TOM1: variants seen among roughly 807,000 people sequenced by gnomAD.
TOM1 encodes target of myb1 membrane trafficking protein, also known as target of Myb protein 1.
Under a neutral mutation model 61.3 loss-of-function variants are expected in TOM1, and 38 were observed. The ratio of observed to expected loss-of-function variants is 0.62; its 90% confidence interval spans 0.48 to 0.81. TOM1 has a LOEUF of 0.81. Among genes scored for constraint, TOM1 ranks in the 40% least tolerant of loss-of-function variants. The probability of loss-of-function intolerance (pLI) is 0.00; values close to 1 mark genes in which losing one functional copy is unlikely to be tolerated. For synonymous variants in TOM1, 270 were observed against 268.8 expected, an observed-to-expected ratio of 1.00 and a Z score of -0.04; for missense variants, 591 against 659.6, an observed-to-expected ratio of 0.90 and a Z score of 1.14.
In TOM1 at chr22:35,346,977, T is replaced by TGCCCCC; in HGVS notation, c.1324+8_1324+9insGCCCCC. The TGCCCCC allele has an allele frequency of 6.2e-7, 1 of 1,611,546 alleles. No individual in the cohort carries two copies. The highest frequency in any genetic ancestry group is 8.5e-7 in the Non-Finnish European group (1 of 1,178,594). ...AGGGGGTCACCAGCGAAGGTAGTAG[T>TGCCCCC]CCCCGCCCCTGCCCGCCCTCTCCTT... is the stretch of plus-strand genomic sequence containing the variant. On this transcript the variant is annotated intron_variant, in intron 14 of 14. Transcript: ENST00000449058.
At position 35,331,529 on chromosome 22, in the gene TOM1, C is replaced by T. The variant is rs144770064; in HGVS notation, c.899+1049C>T. 4.1e-4 allele frequency: 131 copies of T among 322,144 alleles called. 1 individual carries two copies. The highest frequency in any genetic ancestry group is 1.5e-3 in the South Asian group (64 of 41,786). The allele number at this position is 322,144 out of a possible 1,614,324, so 20.0% of individuals were successfully genotyped here. On this transcript the variant is annotated intron_variant, in intron 8 of 14. Transcript: ENST00000449058. Reference sequence around the variant, plus strand: ...GAGGGCCCTTTGATGGCAGCCCCACCGGGATGATGTGAAATGGGGGAGGAG... The same window carrying T: ...GAGGGCCCTTTGATGGCAGCCCCACTGGGATGATGTGAAATGGGGGAGGAG...
At chr22:35,305,658 C>CAAAAA (rs137868113) in intron 1 of TOM1, among the ~76,000 whole-genome samples, 1 of 130,500 alleles carries the variant, frequency 7.7e-6, no homozygotes, top group Non-Finnish European at 1.6e-5. Flanking sequence ...GACTCAATCT[C>CAAAAA]AAAAAAAAAA....
intron 11 of TOM1, among the ~76,000 whole-genome samples, chr22:35,337,370 C>CT (rs1788671379): frequency 6.6e-6 from 1 of 152,206 alleles, no homozygotes. Context: ...ATTAGCAGGC[C>CT]TTCTCTGGGT....
At chr22:35,334,207 C>T (rs531603336) in intron 10 of TOM1, 121 bp from the exon 11 acceptor site, 3 of 1,387,666 alleles carry the variant, frequency 2.2e-6, no homozygotes, top group African/African-American at 2.9e-5. Flanking sequence ...CTCGCGCATT[C>T]CCCCACCCAC....
At position 35,330,363 on chromosome 22, in the gene TOM1, G is replaced by A; in HGVS notation, c.782G>A (p.Cys261Tyr). Reference protein sequence around the residue: ...LELLQELNRTCRAMQQRVLEL... With the variant: ...LELLQELNRTYRAMQQRVLEL... The stretch of plus-strand genomic sequence containing the variant: ...TCCTGGCAGGAGCTCAACCGCACGT[G>A]CCGAGCCATGCAGCAGCGGGTCCTG... The change falls in exon 8 of 15, where the codon TGC (cysteine) becomes TAC (tyrosine). Residue 261 changes from cysteine (C) to tyrosine (Y), a missense_variant. Cys to Tyr is a radical substitution (Grantham distance 194). Transcript: ENST00000449058. 6.2e-7 allele frequency: 1 copy of A among 1,612,390 alleles called. No individual in the cohort carries two copies. The highest frequency in any genetic ancestry group is 8.5e-7 in the Non-Finnish European group (1 of 1,179,448).
Position 35,302,361 on chromosome 22 carries a change from G to A in TOM1, c.52+2381G>A, listed in dbSNP as rs1200764707. On this transcript the variant is annotated intron_variant, in intron 1 of 14. Transcript: ENST00000449058. The stretch of plus-strand genomic sequence containing the variant: ...TTTTTTTTTTTTTTTTTGAGACTGC[G>A]TTTCGCTCTTGTTGCCCAGGCTGGG... Among the ~76,000 whole-genome samples, 5 of 86,814 alleles carry A rather than the reference G, an allele frequency of 5.8e-5. No individual in the cohort carries two copies. The East Asian group carries it at 1.8e-3, about 32-fold the overall frequency. 57.0% of individuals were successfully genotyped at this position (86,814 alleles called of 152,430 possible).
At position 35,322,325 on chromosome 22, in the gene TOM1, C is replaced by T. The variant is rs191895481; in HGVS notation, c.216+288C>T. On this transcript the variant is annotated intron_variant, in intron 3 of 14. Coordinates refer to ENST00000449058, the MANE Select transcript of TOM1 (RefSeq NM_005488.3). ...AGGACCTGTGGGTGACATTGAAGCT[C>T]AGTAAACCCAGGCCTCCGCGGGGGC... is the stretch of plus-strand genomic sequence containing the variant. 26 of 405,798 alleles carry T rather than the reference C, an allele frequency of 6.4e-5. No homozygotes were observed. The East Asian group carries it at 1.1e-3, about 17-fold the overall frequency. 25.1% of individuals were successfully genotyped at this position (405,798 alleles called of 1,614,324 possible). A position where few individuals can be genotyped will look rare whatever the true frequency, so the allele number is the denominator to read the frequency against.
At position 35,347,648 on chromosome 22, in the gene TOM1, T is replaced by C. The variant is rs534274438; in HGVS notation, c.*439T>C. The C allele has an allele frequency of 6.3e-6, 1 of 159,158 alleles. No homozygotes were observed. The highest frequency in any genetic ancestry group is 6.3e-5 in the Admixed American group (1 of 15,898). 9.9% of individuals were successfully genotyped at this position (159,158 alleles called of 1,614,324 possible). On this transcript the variant is annotated 3_prime_UTR_variant, in exon 15 of 15. Coordinates refer to ENST00000449058, the MANE Select transcript of TOM1 (RefSeq NM_005488.3). ...AGTGGAAATTCTGCCGAGCCTCTTG[T>C]CCCTTCCCTGCTCTGCTGCATGGGG...
intron 1 of TOM1, among the ~76,000 whole-genome samples, chr22:35,316,597 G>C (rs1249859128): frequency 1.3e-5 from 2 of 152,188 alleles, no homozygotes; most frequent in Non-Finnish European, 2.9e-5. Flanking sequence ...CCATGGCCCT[G>C]ACAGGCTTCC....
intron 11 of TOM1, among the ~76,000 whole-genome samples, chr22:35,338,222 CAG>C (rs1929549412): frequency 6.6e-6 from 1 of 152,156 alleles, no homozygotes; most frequent in Admixed American, 6.5e-5. Context: ...AAGGTGGGGG[CAG>C]AGTCATCTTT....
chr22:35,336,975 C>T (rs1929401338), intron 11 of TOM1, among the ~76,000 whole-genome samples: 1 of 148,140 alleles, frequency 6.8e-6, no homozygotes, highest in Non-Finnish European at 1.5e-5. Context: ...GAGTCTCGCT[C>T]TGTCTCTCAG....
intron 12 of TOM1, 53 bp from the exon 13 acceptor site, chr22:35,345,672 G>C: frequency 5.7e-6 from 9 of 1,589,460 alleles, no homozygotes; most frequent in Non-Finnish European, 7.8e-6. Flanking sequence ...GAGCTGGCAC[G>C]TCTTCCACCT....
intron 12 of TOM1, among the ~76,000 whole-genome samples, chr22:35,343,111 A>G (rs1416345284): frequency 8.5e-6 from 1 of 118,016 alleles, no homozygotes; most frequent in African/African-American, 3.4e-5. Context: ...TACACCACAC[A>G]CACCCACACA....
intron 1 of TOM1, among the ~76,000 whole-genome samples, chr22:35,316,797 A>G (rs1927328432): frequency 6.6e-6 from 1 of 152,162 alleles, no homozygotes. Flanking sequence ...CTTTTTTTAA[A>G]AAGAACCACC....
chr22:35,316,169 A>G (rs1927260657), intron 1 of TOM1, among the ~76,000 whole-genome samples: 2 of 152,256 alleles, frequency 1.3e-5, no homozygotes, highest in Admixed American at 1.3e-4. Context: ...GCGGATGAGT[A>G]CTTTGCATGT....
intron 12 of TOM1, among the ~76,000 whole-genome samples, chr22:35,341,951 G>A (rs900922026): frequency 2.0e-5 from 3 of 152,074 alleles, no homozygotes; most frequent in Admixed American, 1.3e-4. Context: ...CCACTAAACC[G>A]TGAGAACATG....
At chr22:35,338,684 A>T in intron 11 of TOM1, 29 bp from the exon 12 acceptor site, 9 of 1,521,066 alleles carry the variant, frequency 5.9e-6, no homozygotes, top group Non-Finnish European at 7.1e-6. Flanking sequence ...TAAGGGCAGC[A>T]TCCAATGGCT....
chr22:35,335,062 C>T (rs138700309), intron 11 of TOM1, among the ~76,000 whole-genome samples: 75 of 152,250 alleles, frequency 4.9e-4, no homozygotes, highest in African/African-American at 1.8e-3. Flanking sequence ...AGCATAGGCA[C>T]GTGGCCTGAG....
intron 7 of TOM1, among the ~76,000 whole-genome samples, chr22:35,330,123 CA>C (rs965981598): frequency 3.1e-4 from 45 of 144,928 alleles, no homozygotes; most frequent in East Asian, 1.0e-3. Flanking sequence ...ACTAAAACTA[CA>C]AAAAAAAAAA....
Sources: gnomAD v4.1 joint callset for allele counts (sites outside exome capture counted in the v4.1 genomes callset) on GRCh38, gnomAD v4.1.1 for gene constraint, MANE v1.5 for transcripts, NCBI Gene and HGNC (gene_info 2026-07-23, HGNC 2026-07-21) for gene names.